BICRAL: variants seen among roughly 807,000 people sequenced by gnomAD.
BICRAL encodes the protein BICRA like chromatin remodeling complex associated protein.
Under a neutral mutation model 91.8 loss-of-function variants are expected in BICRAL, and 8 were observed. The ratio of observed to expected loss-of-function variants is 0.09; its 90% confidence interval spans 0.05 to 0.16. BICRAL has a LOEUF of 0.16. Ranked by LOEUF, BICRAL falls within the 10% of genes least tolerant of loss-of-function variation. BICRAL has a pLI of 1.00. For missense variants in BICRAL, 1,038 were observed against 1,310.9 expected, an observed-to-expected ratio of 0.79 and a Z score of 3.21; for synonymous variants, 445 against 491.1, an observed-to-expected ratio of 0.91 and a Z score of 1.24.
chr6:42,811,957 G>A (rs965437878), intron 2 of BICRAL, among the ~76,000 whole-genome samples: 1 of 152,088 alleles, frequency 6.6e-6, no homozygotes, highest in African/African-American at 2.4e-5. Flanking sequence ...ATCCTTAAAA[G>A]GATCAGACAT....
At chr6:42,791,343 A>G (rs1269516369) in intron 1 of BICRAL, among the ~76,000 whole-genome samples, 1 of 152,124 alleles carries the variant, frequency 6.6e-6, no homozygotes, top group African/African-American at 2.4e-5. Flanking sequence ...TTTGTGGGTT[A>G]TTTGGCTCTC....
chr6:42,865,062 G>A lies in BICRAL; in HGVS notation c.2856G>A (p.Glu952=), dbSNP rs757161684. The A allele has an allele frequency of 1.2e-6, 2 of 1,614,118 alleles. No homozygotes were observed. The highest frequency in any genetic ancestry group is 1.7e-6 in the Non-Finnish European group (2 of 1,180,024). ...CATCCAGATCGGATCATGGTACTGA[G>A]AGCAAACTGTCAAGCATCCTAGCAG... ...KTSSRSDHGT[E]SKLSSILADS... Residue 952 remains glutamate, a synonymous_variant, in exon 13 of 13, where the codon GAG becomes GAA. Transcript: ENST00000314073.
intron 1 of BICRAL, among the ~76,000 whole-genome samples, chr6:42,776,147 G>A (rs1282118961): frequency 2.7e-5 from 4 of 148,964 alleles, no homozygotes; most frequent in Non-Finnish European, 3.0e-5. Flanking sequence ...TCAGCCTCCC[G>A]AGTAGCTGGG....
chr6:42,834,963 A>G (rs1359355252), intron 6 of BICRAL, among the ~76,000 whole-genome samples: 1 of 152,174 alleles, frequency 6.6e-6, no homozygotes, highest in Admixed American at 6.6e-5. Context: ...AAATATGTAT[A>G]TTTATACACC....
chr6:42,776,143 T>A (rs934020914), intron 1 of BICRAL, among the ~76,000 whole-genome samples: 1 of 152,068 alleles, frequency 6.6e-6, no homozygotes, highest in Non-Finnish European at 1.5e-5. Flanking sequence ...TGCCTCAGCC[T>A]CCCGAGTAGC....
At chr6:42,802,208 A>G (rs1763593581) in intron 1 of BICRAL, among the ~76,000 whole-genome samples, 1 of 152,066 alleles carries the variant, frequency 6.6e-6, no homozygotes, top group African/African-American at 2.4e-5. Context: ...TGTTCATGCC[A>G]TCGTACTCCA....
intron 12 of BICRAL, among the ~76,000 whole-genome samples, chr6:42,863,193 C>A (rs1020216784): frequency 1.3e-5 from 2 of 151,972 alleles, no homozygotes; most frequent in Non-Finnish European, 2.9e-5. Context: ...GGACTACAGG[C>A]GCCTGCAACC....
In BICRAL at chr6:42,782,561, CCTTTTTTTT is replaced by C. The variant is rs903045462; in HGVS notation, c.-102+466_-102+474del. ...GTGGGGGCCCGGCGCCTTTCTTTTTCCTTTTTTTTCTTTTCCGCGGATGCAAATTTCTGG... is the reference window on the plus strand; with the variant it reads ...GTGGGGGCCCGGCGCCTTTCTTTTTCCTTTTCCGCGGATGCAAATTTCTGG... On this transcript the variant is annotated intron_variant, in intron 1 of 12. Coordinates refer to ENST00000314073, the MANE Select transcript of BICRAL (RefSeq NM_001393499.1). 1.7e-4 allele frequency among the ~76,000 whole-genome samples: 26 copies of C among 150,498 alleles called. No individual in the cohort carries two copies. In the East Asian group the frequency reaches 4.4e-3, roughly 25 times the overall value.
chr6:42,761,292 C>T (rs535565145), intron 1 of BICRAL, among the ~76,000 whole-genome samples: 46 of 151,202 alleles, frequency 3.0e-4, no homozygotes, highest in African/African-American at 1.1e-3. Flanking sequence ...CCCATCTCTA[C>T]TAAAAGTAGA....
intron 1 of BICRAL, among the ~76,000 whole-genome samples, chr6:42,799,786 C>A (rs1318087644): frequency 6.6e-6 from 1 of 152,130 alleles, no homozygotes; most frequent in Non-Finnish European, 1.5e-5. Flanking sequence ...AAATCAATAT[C>A]TTTAAACTCT....
At chr6:42,837,629 GTAGT>G (rs1764680635) in intron 6 of BICRAL, among the ~76,000 whole-genome samples, 3 of 151,828 alleles carry the variant, frequency 2.0e-5, no homozygotes, top group Non-Finnish European at 4.4e-5. Context: ...GCAGGCGCCT[GTAGT>G]CCCAACTACT....
intron 1 of BICRAL, among the ~76,000 whole-genome samples, chr6:42,806,937 TCTC>T (rs1763723805): frequency 6.6e-6 from 1 of 151,408 alleles, no homozygotes; most frequent in Non-Finnish European, 1.5e-5. Context: ...TTCAAGCAAT[TCTC>T]CTGCCTCAGC....
intron 1 of BICRAL, among the ~76,000 whole-genome samples, chr6:42,794,794 C>CAAAAAAAAAAA (rs1207429482): frequency 4.2e-5 from 4 of 95,160 alleles, no homozygotes; most frequent in Non-Finnish European, 8.2e-5. Flanking sequence ...ACTAAAAATA[C>CAAAAAAAAAAA]AAAAAAAAAA....
intron 1 of BICRAL, among the ~76,000 whole-genome samples, chr6:42,807,110 C>T (rs142481589): frequency 0.066 from 10,002 of 152,260 alleles, 377 homozygotes; most frequent in Non-Finnish European, 0.084. Context: ...GGCTTACAGG[C>T]GTGAGCCACC....
intron 1 of BICRAL, among the ~76,000 whole-genome samples, chr6:42,782,555 C>T (rs1261941726): frequency 7.0e-6 from 1 of 141,980 alleles, no homozygotes; most frequent in Non-Finnish European, 1.5e-5. Flanking sequence ...CGGCGCCTTT[C>T]TTTTTCCTTT....
chr6:42,828,525 A>G lies in BICRAL; in HGVS notation c.192A>G (p.Val64=). The change falls in exon 6 of 13, where the codon GTA becomes GTG. Residue 64 remains valine (V), a synonymous_variant. Coordinates refer to ENST00000314073, the MANE Select transcript of BICRAL (RefSeq NM_001393499.1). The stretch of plus-strand genomic sequence containing the variant: ...ATCCTAAGTCATCCCTCAAAGGTGT[A>G]AGCAACCAGCTTGGAGAAGGGCCCA... ...NADPKSSLKG[V]SNQLGEGPSD... The G allele has an allele frequency of 6.2e-7, 1 of 1,613,556 alleles. No homozygotes were observed. The highest frequency in any genetic ancestry group is 2.2e-5 in the East Asian group (1 of 44,868).
upstream of BICRAL, among the ~76,000 whole-genome samples, chr6:42,780,375 T>C (rs1003639673): frequency 5.9e-5 from 9 of 152,306 alleles, no homozygotes; most frequent in South Asian, 1.0e-3. Flanking sequence ...TAATTTCACT[T>C]AAATAATTTT....
chr6:42,819,441 A>G (rs1764079540), intron 2 of BICRAL, among the ~76,000 whole-genome samples: 2 of 152,006 alleles, frequency 1.3e-5, no homozygotes, highest in African/African-American at 4.8e-5. Flanking sequence ...AAGTGCCACC[A>G]TGCCTGGCTA....
At chr6:42,781,885 C>T (rs2113858062), upstream of BICRAL, 2 of 148,000 alleles carry the variant, frequency 1.4e-5, no homozygotes, top group East Asian at 3.9e-4. Context: ...GCGGTTTGCC[C>T]GGGCGCAGAG....
Sources: allele counts gnomAD v4.1 joint callset (sites outside exome capture counted in the v4.1 genomes callset), GRCh38; gene constraint gnomAD v4.1.1; transcripts MANE v1.5; gene names NCBI Gene and HGNC (gene_info 2026-07-23, HGNC 2026-07-21).